Variants in PTPRD observed in about 807,000 individuals in gnomAD.
PTPRD encodes the protein protein tyrosine phosphatase receptor type D.
PTPRD carries 34 observed loss-of-function variants against 214.5 expected under a neutral mutation model. That is an observed-to-expected ratio of 0.16 (90% confidence interval 0.12 to 0.21). The LOEUF (loss-of-function observed/expected upper bound fraction) is 0.21. PTPRD is among the 10% of genes least tolerant of loss of function. The pLI, the probability that PTPRD is intolerant of heterozygous loss-of-function variation, is 1.00. For missense variants in PTPRD, 2,545 were observed against 2,398.7 expected, an observed-to-expected ratio of 1.06 and a Z score of -1.27; for synonymous variants, 1,128 against 845.7, an observed-to-expected ratio of 1.33 and a Z score of -5.79.
chr9:8,838,202 A>C (rs1182335350), intron 11 of PTPRD, among the ~76,000 whole-genome samples: 2 of 152,158 alleles, frequency 1.3e-5, no homozygotes, highest in Non-Finnish European at 2.9e-5. Flanking sequence ...GATACCCATG[A>C]ACAGAAACCA....
At chr9:9,748,795 A>T (rs1426207336) in intron 6 of PTPRD, among the ~76,000 whole-genome samples, 1 of 152,152 alleles carries the variant, frequency 6.6e-6, no homozygotes, top group Admixed American at 6.6e-5. Flanking sequence ...TCATTTGGAG[A>T]TTTATGTCAA....
chr9:10,008,056 C>CA (rs1588757624), intron 4 of PTPRD, among the ~76,000 whole-genome samples: 1 of 151,984 alleles, frequency 6.6e-6, no homozygotes, highest in East Asian at 1.9e-4. Context: ...GGCAAACCTG[C>CA]AAATCTGGGG....
chr9:8,580,065 T>C (rs1414366785), intron 14 of PTPRD, among the ~76,000 whole-genome samples: 1 of 152,208 alleles, frequency 6.6e-6, no homozygotes, highest in Non-Finnish European at 1.5e-5. Context: ...AAAAAAATTA[T>C]ATTAAAGGGA....
At chr9:8,349,928 T>C (rs1419821982) in intron 39 of PTPRD, among the ~76,000 whole-genome samples, 4 of 126,452 alleles carry the variant, frequency 3.2e-5, no homozygotes, top group Non-Finnish European at 5.2e-5. Flanking sequence ...TGCTAAACTT[T>C]AGTGGTTTTT....
In PTPRD at chr9:8,340,326, A is replaced by G. The variant is rs181548367; in HGVS notation, c.5253+17T>C. 8.2e-6 allele frequency: 13 copies of G among 1,583,584 alleles called. No individual in the cohort carries two copies. The highest frequency in any genetic ancestry group is 2.3e-5 in the South Asian group (2 of 87,402). ...GTAAATGTCTTATGAGGAGACACAC[A>G]AGGGCCACACACTTACTCTGCCCAT... is the stretch of plus-strand genomic sequence containing the variant. On this transcript the variant is annotated intron_variant, in intron 42 of 45. Coordinates refer to ENST00000381196, the MANE Select transcript of PTPRD (RefSeq NM_002839.4).
At chr9:9,135,970 A>T (rs1225578519) in intron 10 of PTPRD, among the ~76,000 whole-genome samples, 1 of 150,846 alleles carries the variant, frequency 6.6e-6, no homozygotes, top group South Asian at 2.1e-4. Flanking sequence ...TTCATGTGAA[A>T]TCATCTTATA....
At chr9:10,009,676 A>T (rs544652137) in intron 4 of PTPRD, among the ~76,000 whole-genome samples, 2 of 138,818 alleles carry the variant, frequency 1.4e-5, no homozygotes, top group East Asian at 4.1e-4. Flanking sequence ...TCAAGATCAG[A>T]AAAAGATCTG....
chr9:10,177,628 G>C (rs1268354792), intron 3 of PTPRD, among the ~76,000 whole-genome samples: 1 of 151,876 alleles, frequency 6.6e-6, no homozygotes, highest in Non-Finnish European at 1.5e-5. Context: ...TCAGGCTGCT[G>C]TCAACGGGAA....
chr9:9,333,590 T>C (rs1340845431), intron 9 of PTPRD, among the ~76,000 whole-genome samples: 1 of 149,314 alleles, frequency 6.7e-6, no homozygotes, highest in East Asian at 1.9e-4. Context: ...AGAATTAATA[T>C]AAAAGAAAAG....
intron 11 of PTPRD, among the ~76,000 whole-genome samples, chr9:8,737,793 G>C (rs1407901338): frequency 6.6e-6 from 1 of 152,112 alleles, no homozygotes; most frequent in Non-Finnish European, 1.5e-5. Context: ...TGGGATTACA[G>C]GTGTGCGCCA....
At chr9:8,944,328 G>A (rs1430426523) in intron 11 of PTPRD, among the ~76,000 whole-genome samples, 4 of 151,972 alleles carry the variant, frequency 2.6e-5, no homozygotes, top group African/African-American at 9.7e-5. Context: ...ATACTCACTA[G>A]GGACAACAGT....
chr9:10,018,800 C>T (rs571068004), intron 4 of PTPRD, among the ~76,000 whole-genome samples: 77 of 151,946 alleles, frequency 5.1e-4, no homozygotes, highest in African/African-American at 1.7e-3. Context: ...CCGCCCGCCT[C>T]GGCCTCCCAA....
At chr9:9,501,354 T>C (rs2096407913) in intron 8 of PTPRD, among the ~76,000 whole-genome samples, 1 of 151,892 alleles carries the variant, frequency 6.6e-6, no homozygotes. Flanking sequence ...AGTAGGCTTC[T>C]AAACAATATA....
chr9:9,130,483 A>G (rs1221162144), intron 10 of PTPRD, among the ~76,000 whole-genome samples: 2 of 152,200 alleles, frequency 1.3e-5, no homozygotes, highest in African/African-American at 4.8e-5. Context: ...AACAGAGGTC[A>G]TATATATTTT....
intron 3 of PTPRD, among the ~76,000 whole-genome samples, chr9:10,176,335 A>G (rs1245458803): frequency 1.3e-5 from 2 of 151,826 alleles, no homozygotes; most frequent in Non-Finnish European, 2.9e-5. Context: ...TAGGAATGTA[A>G]AAAGCTAGGC....
chr9:10,270,205 C>G (rs2094340463), intron 3 of PTPRD, among the ~76,000 whole-genome samples: 1 of 151,536 alleles, frequency 6.6e-6, no homozygotes, highest in Non-Finnish European at 1.5e-5. Context: ...ATTCATCTTC[C>G]TTAATCAAAT....
At chr9:10,395,302 C>T (rs1336934414) in intron 2 of PTPRD, among the ~76,000 whole-genome samples, 2 of 149,302 alleles carry the variant, frequency 1.3e-5, no homozygotes, top group African/African-American at 5.0e-5. Context: ...CTTCCTGTGT[C>T]CAAGTGTTCT....
At chr9:10,204,995 C>A (rs1283890147) in intron 3 of PTPRD, among the ~76,000 whole-genome samples, 1 of 151,800 alleles carries the variant, frequency 6.6e-6, no homozygotes, top group Non-Finnish European at 1.5e-5. Flanking sequence ...CAAATTAATA[C>A]TTTGAATGCT....
At chr9:10,387,240 AAC>A (rs1232697372) in intron 2 of PTPRD, among the ~76,000 whole-genome samples, 1 of 151,894 alleles carries the variant, frequency 6.6e-6, no homozygotes, top group Non-Finnish European at 1.5e-5. Flanking sequence ...ATAGGAAACT[AAC>A]ACAGTCGTTT....
Sources: allele counts gnomAD v4.1 joint callset (sites outside exome capture counted in the v4.1 genomes callset), GRCh38; gene constraint gnomAD v4.1.1; transcripts MANE v1.5; gene names NCBI Gene and HGNC (gene_info 2026-07-23, HGNC 2026-07-21).